Variants in RARS2 observed in about 807,000 individuals in gnomAD.
The protein encoded by RARS2 is arginyl-tRNA synthetase 2, mitochondrial, also known as probable arginine--tRNA ligase, mitochondrial.
Under a neutral mutation model 88.5 loss-of-function variants are expected in RARS2, and 67 were observed. That is an observed-to-expected ratio of 0.76 (90% CI 0.62 to 0.93). The LOEUF (loss-of-function observed/expected upper bound fraction) is 0.93, where lower values mean the gene tolerates loss of function less well. RARS2 is among the 40% of genes least tolerant of loss of function. RARS2 has a pLI of 0.00. For synonymous variants in RARS2, 239 were observed against 230.3 expected, an observed-to-expected ratio of 1.04 and a Z score of -0.34; for missense variants, 664 against 684.2, an observed-to-expected ratio of 0.97 and a Z score of 0.33.
Position 87,578,110 on chromosome 6 carries a change from C to G in RARS2, c.37-8520G>C, listed in dbSNP as rs4132446. On this transcript the variant is annotated intron_variant, in intron 1 of 19. Coordinates refer to ENST00000369536, the MANE Select transcript of RARS2 (RefSeq NM_020320.5). Reference sequence around the variant, plus strand: ...CAGCCTGGGGCAACATAGCGAGACCCCCCCCCCCGCCATCTCTATTTAAAA... The same window carrying G: ...CAGCCTGGGGCAACATAGCGAGACCGCCCCCCCCGCCATCTCTATTTAAAA... Among the ~76,000 whole-genome samples the G allele has an allele frequency of 5.5e-4, 80 of 145,906 alleles. 1 individual carries two copies. Among genetic ancestry groups the G allele is most frequent in the Non-Finnish European group, 9.6e-4 (64 of 66,356 alleles).
chr6:87,545,549 C>A, intron 7 of RARS2, 67 bp downstream of exon 7: 1 of 1,604,078 alleles, frequency 6.2e-7, no homozygotes, highest in Non-Finnish European at 8.5e-7. Context: ...TATATTCTGT[C>A]CAGATCAAAG....
At chr6:87,583,553 C>T (rs938369920) in intron 1 of RARS2, among the ~76,000 whole-genome samples, 8 of 150,300 alleles carry the variant, frequency 5.3e-5, no homozygotes, top group African/African-American at 2.0e-4. Context: ...TGTGCCATTG[C>T]ACTCCAGCCT....
At chr6:87,520,742 G>A (rs1253927509) in intron 12 of RARS2, among the ~76,000 whole-genome samples, 2 of 152,152 alleles carry the variant, frequency 1.3e-5, no homozygotes, top group African/African-American at 4.8e-5. Context: ...AGTGAAAAAA[G>A]CCAATCTCAA....
At chr6:87,519,351 A>G in intron 14 of RARS2, 1 of 476,872 alleles carries the variant, frequency 2.1e-6, no homozygotes, top group Non-Finnish European at 3.8e-6. Flanking sequence ...TCAGTGCTCA[A>G]GCTGTTCATG....
intron 7 of RARS2, among the ~76,000 whole-genome samples, chr6:87,543,948 C>A (rs1472041536): frequency 6.6e-6 from 1 of 152,068 alleles, no homozygotes; most frequent in Non-Finnish European, 1.5e-5. Flanking sequence ...AACATTCAGC[C>A]TAATACATTT....
intron 8 of RARS2, among the ~76,000 whole-genome samples, chr6:87,533,102 T>C (rs1343316097): frequency 1.3e-5 from 2 of 149,608 alleles, no homozygotes; most frequent in Non-Finnish European, 3.0e-5. Flanking sequence ...GTTTAGTTTC[T>C]TTTTTTTTTC....
chr6:87,555,285 TA>T (rs1785521187), intron 5 of RARS2, 122 bp downstream of exon 5: 1 of 716,416 alleles, frequency 1.4e-6, no homozygotes, highest in South Asian at 1.7e-5. Context: ...AGAAATAACA[TA>T]ATTGCACTGG....
intron 1 of RARS2, among the ~76,000 whole-genome samples, chr6:87,575,244 C>T (rs1315450800): frequency 1.4e-5 from 2 of 143,660 alleles, no homozygotes; most frequent in Non-Finnish European, 1.5e-5. Flanking sequence ...CACACACACA[C>T]ACACACACAC....
At chr6:87,519,766 A>G (rs1332235871) in intron 13 of RARS2, 59 bp from the exon 14 acceptor site, 11 of 1,596,300 alleles carry the variant, frequency 6.9e-6, no homozygotes, top group Non-Finnish European at 8.6e-6. Flanking sequence ...CTGAAAGCAT[A>G]TAATACCTTT....
At chr6:87,519,507 TCA>T (rs1773132036) in intron 14 of RARS2, 74 bp downstream of exon 14, 1 of 1,488,904 alleles carries the variant, frequency 6.7e-7, no homozygotes, top group South Asian at 1.1e-5. Flanking sequence ...ACATAATAAA[TCA>T]CACTGCCCAA....
At chr6:87,578,331 CCTT>C (rs1772272367) in intron 1 of RARS2, among the ~76,000 whole-genome samples, 1 of 152,098 alleles carries the variant, frequency 6.6e-6, no homozygotes, top group Non-Finnish European at 1.5e-5. Context: ...TATTTTCCTT[CCTT>C]TTTTCTGCCT....
At chr6:87,554,420 C>T (rs1448553860) in intron 5 of RARS2, among the ~76,000 whole-genome samples, 2 of 152,050 alleles carry the variant, frequency 1.3e-5, no homozygotes, top group South Asian at 4.1e-4. Flanking sequence ...ACATTTATTA[C>T]AAATACTAAA....
chr6:87,526,183 CA>C (rs1322094872), intron 10 of RARS2, among the ~76,000 whole-genome samples: 1 of 152,064 alleles, frequency 6.6e-6, no homozygotes, highest in Admixed American at 6.5e-5. Flanking sequence ...TATGGAACCA[CA>C]AAAAACCTCC....
At chr6:87,576,580 C>G (rs1465373771) in intron 1 of RARS2, among the ~76,000 whole-genome samples, 1 of 151,754 alleles carries the variant, frequency 6.6e-6, no homozygotes, top group African/African-American at 2.4e-5. Flanking sequence ...CCGGCCAACA[C>G]AAATTTCAAG....
intron 1 of RARS2, among the ~76,000 whole-genome samples, chr6:87,575,260 CACACACACACACACACA>C (rs1480179101): frequency 4.0e-5 from 6 of 150,184 alleles, no homozygotes; most frequent in Non-Finnish European, 8.9e-5. Flanking sequence ...CACACACACA[CACACACACACACACACA>C]CCTTGGCTTC....
intron 9 of RARS2, 49 bp downstream of exon 9, chr6:87,530,735 G>A (rs529166433): frequency 1.8e-5 from 28 of 1,590,304 alleles, no homozygotes; most frequent in East Asian, 2.2e-5. Flanking sequence ...GGTAACAGCC[G>A]AGAGCTGCAC....
intron 1 of RARS2, among the ~76,000 whole-genome samples, chr6:87,573,138 T>C (rs1770311198): frequency 6.6e-6 from 1 of 152,154 alleles, no homozygotes; most frequent in Non-Finnish European, 1.5e-5. Flanking sequence ...ACTTGGCTCA[T>C]GGTTCCACAG....
intron 5 of RARS2, among the ~76,000 whole-genome samples, chr6:87,554,904 C>A (rs1056994372): frequency 2.0e-5 from 3 of 152,004 alleles, no homozygotes; most frequent in Non-Finnish European, 4.4e-5. Context: ...AGATGGAGAC[C>A]ATCCTGGCTA....
chr6:87,519,497 A>G, intron 14 of RARS2, 86 bp downstream of exon 14: 1 of 1,419,104 alleles, frequency 7.0e-7, no homozygotes, highest in South Asian at 1.2e-5. Context: ...GGAGGGACAG[A>G]CATAATAAAT....
Sources: allele counts gnomAD v4.1 joint callset (sites outside exome capture counted in the v4.1 genomes callset), GRCh38; gene constraint gnomAD v4.1.1; transcripts MANE v1.5; gene names NCBI Gene and HGNC (gene_info 2026-07-23, HGNC 2026-07-21).